The following MAF variants were observed in gnomAD, a reference collection of about 807,000 sequenced individuals.
MAF encodes MAF bZIP transcription factor.
Under a neutral mutation model 22.0 loss-of-function variants are expected in MAF, and 10 were observed. That is an observed-to-expected ratio of 0.45 (90% CI 0.28 to 0.77). The LOEUF is 0.77. Among genes scored for constraint, MAF ranks in the 30% least tolerant of loss-of-function variants. The probability of loss-of-function intolerance (pLI) is 0.12; values close to 1 mark genes in which losing one functional copy is unlikely to be tolerated. For synonymous variants in MAF, 337 were observed against 255.8 expected, an observed-to-expected ratio of 1.32 and a Z score of -3.03; for missense variants, 544 against 548.4, an observed-to-expected ratio of 0.99 and a Z score of 0.08.
At chr16:79,578,746 A>C in the MAF span, among the ~76,000 whole-genome samples, 1 of 152,284 alleles carries the variant, frequency 6.6e-6, no homozygotes, top group East Asian at 1.9e-4. Context: ...ATCGCAAATT[A>C]CTTTTTCCTT....
chr16:79,364,380 C>T, the MAF span, among the ~76,000 whole-genome samples: 1 of 152,272 alleles, frequency 6.6e-6, no homozygotes, highest in South Asian at 2.1e-4. Context: ...TTTTTGGACA[C>T]AACTTCCCGC....
chr16:79,277,409 T>A, the MAF span, among the ~76,000 whole-genome samples: 14 of 152,244 alleles, frequency 9.2e-5, no homozygotes, highest in African/African-American at 3.4e-4. Flanking sequence ...CACTTTGCAA[T>A]GCCTGGGTCA....
the MAF span, among the ~76,000 whole-genome samples, chr16:79,381,812 G>C: frequency 6.6e-6 from 1 of 152,134 alleles, no homozygotes; most frequent in East Asian, 1.9e-4. Context: ...GGCCCTGATT[G>C]GCTTGTTACT....
At chr16:79,344,664 T>G in the MAF span, among the ~76,000 whole-genome samples, 1 of 152,202 alleles carries the variant, frequency 6.6e-6, no homozygotes, top group Non-Finnish European at 1.5e-5. Flanking sequence ...GCTGTCCGAA[T>G]CATAGTTAGC....
the MAF span, among the ~76,000 whole-genome samples, chr16:79,549,719 G>T: frequency 6.6e-6 from 1 of 152,142 alleles, no homozygotes; most frequent in Admixed American, 6.5e-5. Flanking sequence ...CTAAAAAAGC[G>T]CCCTGGAAGG....
At chr16:79,282,819 T>G in the MAF span, among the ~76,000 whole-genome samples, 1 of 152,212 alleles carries the variant, frequency 6.6e-6, no homozygotes, top group African/African-American at 2.4e-5. Flanking sequence ...AGAATGATTT[T>G]GGGTGCAGAA....
the MAF span, among the ~76,000 whole-genome samples, chr16:79,552,898 C>T: frequency 2.6e-5 from 4 of 152,220 alleles, no homozygotes; most frequent in Non-Finnish European, 1.5e-5. Flanking sequence ...CCCAATCTAC[C>T]AGACACCATT....
chr16:79,220,916 G>A, the MAF span, among the ~76,000 whole-genome samples: 1 of 152,188 alleles, frequency 6.6e-6, no homozygotes, highest in Non-Finnish European at 1.5e-5. Flanking sequence ...ACCTTACCGG[G>A]AGATGCCATT....
At chr16:79,484,171 T>A in the MAF span, among the ~76,000 whole-genome samples, 8 of 151,986 alleles carry the variant, frequency 5.3e-5, no homozygotes, top group Non-Finnish European at 1.0e-4. Context: ...TTAAGGGACC[T>A]GCCGACAGTC....
the MAF span, among the ~76,000 whole-genome samples, chr16:79,563,098 C>G: frequency 6.6e-6 from 1 of 152,128 alleles, no homozygotes; most frequent in Non-Finnish European, 1.5e-5. Flanking sequence ...GACAGCAGAA[C>G]TTACGCTCAG....
the MAF span, among the ~76,000 whole-genome samples, chr16:79,216,031 G>A: frequency 6.6e-6 from 1 of 152,102 alleles, no homozygotes; most frequent in Non-Finnish European, 1.5e-5. Context: ...ATAAATTCTT[G>A]ACAGGTGAGC....
chr16:79,496,237 A>G, the MAF span, among the ~76,000 whole-genome samples: 5 of 152,334 alleles, frequency 3.3e-5, no homozygotes, highest in African/African-American at 1.2e-4. Context: ...AAAATAGAGC[A>G]AAGAAAGAGA....
chr16:79,365,580 TG>T, the MAF span, among the ~76,000 whole-genome samples: 13 of 90,802 alleles, frequency 1.4e-4, no homozygotes, highest in Non-Finnish European at 2.3e-4. Flanking sequence ...AGTTTGTGTT[TG>T]TTTTTTTTTT....
At chr16:79,357,014 TG>T in the MAF span, among the ~76,000 whole-genome samples, 1 of 152,116 alleles carries the variant, frequency 6.6e-6, no homozygotes, top group African/African-American at 2.4e-5. Flanking sequence ...CCCAGCACTT[TG>T]GGAGGCCAAG....
At chr16:79,360,460 G>A in the MAF span, among the ~76,000 whole-genome samples, 1 of 152,306 alleles carries the variant, frequency 6.6e-6, no homozygotes, top group Middle Eastern at 3.4e-3. Context: ...CTGTGTGCCA[G>A]TGCCGTCTCT....
the MAF span, among the ~76,000 whole-genome samples, chr16:79,484,240 A>C: frequency 6.6e-6 from 1 of 152,180 alleles, no homozygotes. Flanking sequence ...GAATCCACTG[A>C]ATGCCCTCCG....
the MAF span, among the ~76,000 whole-genome samples, chr16:79,449,120 G>A: frequency 6.6e-6 from 1 of 152,178 alleles, no homozygotes; most frequent in Non-Finnish European, 1.5e-5. Context: ...CAGACTCCTG[G>A]CATGCACAGT....
chr16:79,218,540 A>G, the MAF span, among the ~76,000 whole-genome samples: 1 of 152,232 alleles, frequency 6.6e-6, no homozygotes, highest in African/African-American at 2.4e-5. Flanking sequence ...AGGGTTACAC[A>G]GGCAGAACCA....
the MAF span, among the ~76,000 whole-genome samples, chr16:79,469,722 G>C: frequency 5.9e-5 from 9 of 152,036 alleles, no homozygotes; most frequent in African/African-American, 2.2e-4. Flanking sequence ...TCAGCCTCCT[G>C]AGTAGCTGGG....
Sources: gnomAD v4.1 joint callset for allele counts (sites outside exome capture counted in the v4.1 genomes callset) on GRCh38, gnomAD v4.1.1 for gene constraint, MANE v1.5 for transcripts, NCBI Gene and HGNC (gene_info 2026-07-23, HGNC 2026-07-21) for gene names.